Variants in BAIAP2L1 observed in about 807,000 individuals in gnomAD.
The protein encoded by BAIAP2L1 is BAR/IMD domain-containing adapter protein 2-like 1.
In BAIAP2L1, 35 loss-of-function variants were observed where a neutral mutation model predicts 66.3. The observed-to-expected ratio is 0.53, with a 90% CI of 0.40 to 0.70. The LOEUF is 0.70. Among genes scored for constraint, BAIAP2L1 ranks in the 30% least tolerant of loss-of-function variants. The pLI is 0.00. For missense variants in BAIAP2L1, 622 were observed against 656.9 expected (o/e 0.95, Z 0.58); for synonymous variants, 269 against 248.7 (o/e 1.08, Z -0.77).
chr7:98,399,115 T>C (rs1803288634), intron 1 of BAIAP2L1, among the ~76,000 whole-genome samples: 1 of 152,216 alleles, frequency 6.6e-6, no homozygotes, highest in East Asian at 1.9e-4. Flanking sequence ...TTCCGGGTCA[T>C]TTAAATAGTA....
chr7:98,372,014 T>C (rs113340518), intron 1 of BAIAP2L1, among the ~76,000 whole-genome samples: 4 of 152,132 alleles, frequency 2.6e-5, no homozygotes, highest in African/African-American at 9.6e-5. Flanking sequence ...CAGGATGGTC[T>C]CGATCTCCTG....
In BAIAP2L1 at chr7:98,332,809, C is replaced by CAA. The variant is rs55756451; in HGVS notation, c.215-12513_215-12512dup. The stretch of plus-strand genomic sequence containing the variant: ...GGGTTACAGAATGAGACTTCGTCCC[C>CAA]AAAAAAAAAAAAAAAAAAAAAAGTT... On this transcript the variant is annotated intron_variant, in intron 3 of 13. Coordinates refer to ENST00000005260, the MANE Select transcript of BAIAP2L1 (RefSeq NM_018842.5). Among the ~76,000 whole-genome samples, 113 of 83,624 alleles carry CAA rather than the reference C, an allele frequency of 1.4e-3. 6 individuals carry two copies. Among genetic ancestry groups the CAA allele is most frequent in the African/African-American group, 1.9e-3 (39 of 20,658 alleles). 54.9% of individuals were successfully genotyped at this position (83,624 alleles called of 152,430 possible).
At chr7:98,399,820 C>T (rs1199786038) in intron 1 of BAIAP2L1, among the ~76,000 whole-genome samples, 1 of 152,182 alleles carries the variant, frequency 6.6e-6, no homozygotes, top group Non-Finnish European at 1.5e-5. Flanking sequence ...TCAACGCATT[C>T]CTTAAGGTTA....
At chr7:98,374,914 TG>T (rs1802584573) in intron 1 of BAIAP2L1, among the ~76,000 whole-genome samples, 1 of 151,882 alleles carries the variant, frequency 6.6e-6, no homozygotes, top group African/African-American at 2.4e-5. Context: ...AGCAAAACCC[TG>T]TCTCTACCAA....
intron 1 of BAIAP2L1, among the ~76,000 whole-genome samples, chr7:98,374,812 A>C (rs1802582386): frequency 6.6e-6 from 1 of 152,196 alleles, no homozygotes; most frequent in Admixed American, 6.6e-5. Context: ...CTGGCCAGGC[A>C]TCGTGGCTAA....
intron 13 of BAIAP2L1, among the ~76,000 whole-genome samples, 184 bp from the exon 14 acceptor site, chr7:98,293,780 C>CCA (rs1387987086): frequency 3.3e-5 from 5 of 152,252 alleles, no homozygotes; most frequent in Non-Finnish European, 2.9e-5. Flanking sequence ...CTACACCATA[C>CCA]CACCTGCTGC....
intron 7 of BAIAP2L1, among the ~76,000 whole-genome samples, chr7:98,313,792 C>CTTT (rs543402978): frequency 7.5e-6 from 1 of 132,940 alleles, no homozygotes; most frequent in African/African-American, 2.7e-5. Context: ...CTAATTAAAA[C>CTTT]TTTTTTTTTT....
chr7:98,376,462 G>A (rs1260317873), intron 1 of BAIAP2L1, among the ~76,000 whole-genome samples: 1 of 151,888 alleles, frequency 6.6e-6, no homozygotes, highest in African/African-American at 2.4e-5. Flanking sequence ...AGCGAGCCAC[G>A]ATCACACAAC....
intron 3 of BAIAP2L1, among the ~76,000 whole-genome samples, chr7:98,320,853 T>C (rs926058262): frequency 2.4e-5 from 3 of 127,064 alleles, no homozygotes; most frequent in Admixed American, 1.6e-4. Flanking sequence ...CATGAGTCTT[T>C]CTGTTCTGTC....
At chr7:98,336,339 C>T (rs1263999380) in intron 3 of BAIAP2L1, among the ~76,000 whole-genome samples, 3 of 152,076 alleles carry the variant, frequency 2.0e-5, no homozygotes, top group Admixed American at 6.6e-5. Flanking sequence ...ATAGGCCAGG[C>T]GTGGTGACTC....
At chr7:98,386,892 G>C (rs1802907110) in intron 1 of BAIAP2L1, among the ~76,000 whole-genome samples, 1 of 151,698 alleles carries the variant, frequency 6.6e-6, no homozygotes, top group African/African-American at 2.4e-5. Flanking sequence ...GTAGAGACGG[G>C]GTTTCACCGT....
At chr7:98,383,991 T>C (rs932787150) in intron 1 of BAIAP2L1, among the ~76,000 whole-genome samples, 6 of 151,830 alleles carry the variant, frequency 4.0e-5, no homozygotes, top group Non-Finnish European at 8.8e-5. Flanking sequence ...CTGTCTCTAC[T>C]AAAAATACAA....
chr7:98,387,485 G>A (rs1802922820), intron 1 of BAIAP2L1, among the ~76,000 whole-genome samples: 2 of 152,196 alleles, frequency 1.3e-5, no homozygotes, highest in Non-Finnish European at 1.5e-5. Context: ...AGTCACCCCT[G>A]TGTGATCAGC....
At chr7:98,385,389 T>A (rs1217524744) in intron 1 of BAIAP2L1, among the ~76,000 whole-genome samples, 1 of 152,144 alleles carries the variant, frequency 6.6e-6, no homozygotes, top group Non-Finnish European at 1.5e-5. Context: ...TTAAATTCTT[T>A]ACTTTTATTT....
At chr7:98,304,887 TG>T (rs1800581169) in intron 11 of BAIAP2L1, among the ~76,000 whole-genome samples, 1 of 147,356 alleles carries the variant, frequency 6.8e-6, no homozygotes, top group Non-Finnish European at 1.5e-5. Context: ...TTTTTTGAGA[TG>T]GGGTTTCCCT....
intron 12 of BAIAP2L1, among the ~76,000 whole-genome samples, chr7:98,295,839 A>G (rs576025293): frequency 3.9e-5 from 6 of 152,288 alleles, no homozygotes; most frequent in African/African-American, 1.4e-4. Context: ...AAATCCTCAC[A>G]AAGAACGCAG....
At chr7:98,364,516 T>C (rs1018775904) in intron 1 of BAIAP2L1, among the ~76,000 whole-genome samples, 4 of 152,144 alleles carry the variant, frequency 2.6e-5, no homozygotes, top group Admixed American at 1.3e-4. Context: ...GCCAGGTAGG[T>C]CCACGTCTTC....
At chr7:98,310,655 C>A in intron 8 of BAIAP2L1, 63 bp from the exon 9 acceptor site, 1 of 1,317,674 alleles carries the variant, frequency 7.6e-7, no homozygotes. Flanking sequence ...ACACAGATTC[C>A]CAAGGCTGTT....
chr7:98,368,958 C>G (rs567315913), intron 1 of BAIAP2L1, among the ~76,000 whole-genome samples: 1 of 151,704 alleles, frequency 6.6e-6, no homozygotes, highest in South Asian at 2.1e-4. Context: ...TGTGAGCTTA[C>G]GTTTTCGTAT....
Sources: allele counts gnomAD v4.1 joint callset (sites outside exome capture counted in the v4.1 genomes callset), GRCh38; gene constraint gnomAD v4.1.1; transcripts MANE v1.5; gene names NCBI Gene and HGNC (gene_info 2026-07-23, HGNC 2026-07-21).